Variants in IMMP2L observed in about 807,000 individuals in gnomAD.
IMMP2L encodes the protein mitochondrial inner membrane protease subunit 2.
IMMP2L carries 18 observed loss-of-function variants against 19.3 expected under a neutral mutation model. That is an observed-to-expected ratio of 0.93 (90% CI 0.64 to 1.38). IMMP2L has a LOEUF of 1.38. IMMP2L is among the 40% of genes most tolerant of loss of function. IMMP2L has a pLI of 0.00. For missense variants in IMMP2L, 233 were observed against 218.2 expected (o/e 1.07, Z -0.43); for synonymous variants, 76 against 73.0 (o/e 1.04, Z -0.21).
chr7:111,322,751 C>T (rs1327596206), intron 3 of IMMP2L, among the ~76,000 whole-genome samples: 3 of 151,592 alleles, frequency 2.0e-5, no homozygotes, highest in South Asian at 4.2e-4. Flanking sequence ...ACCTTTTCAC[C>T]TGCAAATTAA....
chr7:111,281,771 A>T (rs1819912605), intron 3 of IMMP2L, among the ~76,000 whole-genome samples: 1 of 152,118 alleles, frequency 6.6e-6, no homozygotes, highest in Admixed American at 6.5e-5. Context: ...GGCACCAAAA[A>T]CAAACAAATT....
rs549841858 is a variant in IMMP2L, at chr7:111,391,286, G to C, written c.239+95952C>G. Reference sequence around the variant, plus strand: ...TCCCTTGTGGAACATGCAGCACCCTGTACAGGCTACTCTCTAGTCTGCACC... The same window carrying C: ...TCCCTTGTGGAACATGCAGCACCCTCTACAGGCTACTCTCTAGTCTGCACC... On this transcript the variant is annotated intron_variant, in intron 3 of 5. Transcript: ENST00000405709. Among the ~76,000 whole-genome samples, 7 of 152,168 alleles carry C rather than the reference G, an allele frequency of 4.6e-5. No individual in the cohort carries two copies. The South Asian group carries it at 1.5e-3, about 32-fold the overall frequency.
chr7:111,144,212 A>G (rs1057180233), intron 3 of IMMP2L, among the ~76,000 whole-genome samples: 7 of 152,144 alleles, frequency 4.6e-5, no homozygotes, highest in Admixed American at 3.9e-4. Context: ...GTTTCCCTGA[A>G]TAACTGCAAG....
chr7:110,889,097 T>C (rs901790453), intron 4 of IMMP2L, among the ~76,000 whole-genome samples: 3 of 152,288 alleles, frequency 2.0e-5, no homozygotes, highest in Middle Eastern at 3.4e-3. Context: ...TATTTGCCCA[T>C]CTTTAAAGTG....
intron 5 of IMMP2L, among the ~76,000 whole-genome samples, chr7:110,883,695 C>T (rs571432233): frequency 6.6e-6 from 1 of 152,062 alleles, no homozygotes; most frequent in East Asian, 1.9e-4. Context: ...AAAAGTTCTT[C>T]TTCTAATGTC....
chr7:111,312,736 A>C (rs2130316354), intron 3 of IMMP2L, among the ~76,000 whole-genome samples: 1 of 152,248 alleles, frequency 6.6e-6, no homozygotes, highest in South Asian at 2.1e-4. Flanking sequence ...ATGGAACGGC[A>C]ATTTTCCACT....
intron 3 of IMMP2L, among the ~76,000 whole-genome samples, chr7:111,087,219 G>T (rs1199935068): frequency 6.6e-6 from 1 of 152,146 alleles, no homozygotes; most frequent in Non-Finnish European, 1.5e-5. Context: ...GGAGGCTGTG[G>T]CGGGCTGATC....
chr7:111,094,135 C>T (rs1797155511), intron 3 of IMMP2L, among the ~76,000 whole-genome samples: 1 of 152,060 alleles, frequency 6.6e-6, no homozygotes, highest in African/African-American at 2.4e-5. Flanking sequence ...TTTCACTCCT[C>T]CCCCCGAATC....
chr7:110,992,658 A>G (rs1822603949), intron 3 of IMMP2L, among the ~76,000 whole-genome samples: 1 of 151,948 alleles, frequency 6.6e-6, no homozygotes, highest in South Asian at 2.1e-4. Context: ...GATATAAGTC[A>G]TAATATACAA....
At chr7:111,479,715 A>C (rs1198146411) in intron 3 of IMMP2L, among the ~76,000 whole-genome samples, 1 of 152,082 alleles carries the variant, frequency 6.6e-6, no homozygotes, top group Non-Finnish European at 1.5e-5. Context: ...CATTTTTTTA[A>C]ATATAAGAAA....
At chr7:110,773,909 TAA>T (rs67518606) in intron 5 of IMMP2L, among the ~76,000 whole-genome samples, 29 of 138,504 alleles carry the variant, frequency 2.1e-4, no homozygotes, top group Non-Finnish European at 3.6e-4. Context: ...TTGGGTAAAA[TAA>T]AAAAAAAAAA....
At chr7:110,792,584 C>T (rs1800538627) in intron 5 of IMMP2L, among the ~76,000 whole-genome samples, 1 of 152,038 alleles carries the variant, frequency 6.6e-6, no homozygotes, top group Non-Finnish European at 1.5e-5. Context: ...CTTCGATCTC[C>T]CCCACAGTAC....
At chr7:111,223,352 T>G (rs1812730313) in intron 3 of IMMP2L, among the ~76,000 whole-genome samples, 2 of 152,072 alleles carry the variant, frequency 1.3e-5, no homozygotes, top group Admixed American at 1.3e-4. Context: ...ATGTTATTAT[T>G]CTCTATCATT....
intron 3 of IMMP2L, among the ~76,000 whole-genome samples, chr7:111,212,140 A>ATCTCTCTGTCTC (rs371539864): frequency 6.6e-6 from 1 of 151,668 alleles, no homozygotes; most frequent in African/African-American, 2.4e-5. Flanking sequence ...ATTAAACCAG[A>ATCTCTCTGTCTC]TCTCTCTGTC....
At chr7:111,128,122 C>G (rs746497184) in intron 3 of IMMP2L, among the ~76,000 whole-genome samples, 2 of 152,080 alleles carry the variant, frequency 1.3e-5, no homozygotes, top group African/African-American at 4.8e-5. Context: ...TAAAACTACA[C>G]ACAAACATAA....
chr7:110,851,204 T>A (rs368808775), intron 5 of IMMP2L, among the ~76,000 whole-genome samples: 2 of 152,216 alleles, frequency 1.3e-5, no homozygotes, highest in South Asian at 2.1e-4. Context: ...TTGTGAGATT[T>A]CAATTCTAAA....
chr7:110,984,303 A>C (rs986644086), intron 3 of IMMP2L, among the ~76,000 whole-genome samples: 3 of 151,832 alleles, frequency 2.0e-5, no homozygotes, highest in African/African-American at 7.3e-5. Flanking sequence ...AAAAAAAAAA[A>C]CCACCTAGAT....
At chr7:110,937,709 AC>A (rs374734799) in intron 4 of IMMP2L, among the ~76,000 whole-genome samples, 1 of 152,276 alleles carries the variant, frequency 6.6e-6, no homozygotes, top group African/African-American at 2.4e-5. Flanking sequence ...CTTGGCTTAT[AC>A]CACCAAGTTC....
chr7:111,176,130 A>G (rs1807035340), intron 3 of IMMP2L, among the ~76,000 whole-genome samples: 1 of 151,914 alleles, frequency 6.6e-6, no homozygotes, highest in African/African-American at 2.4e-5. Flanking sequence ...ATGCTGGCAA[A>G]GATGTGAAGA....
Sources: allele counts gnomAD v4.1 joint callset (sites outside exome capture counted in the v4.1 genomes callset), GRCh38; gene constraint gnomAD v4.1.1; transcripts MANE v1.5; gene names NCBI Gene and HGNC (gene_info 2026-07-23, HGNC 2026-07-21).